Variants in SOX6 observed in about 807,000 individuals in gnomAD.
SOX6 encodes SRY-box transcription factor 6.
Under a neutral mutation model 97.8 loss-of-function variants are expected in SOX6, and 11 were observed. The observed-to-expected ratio is 0.11, with a 90% CI of 0.07 to 0.19. The LOEUF (loss-of-function observed/expected upper bound fraction) is 0.19. SOX6 is among the 10% of genes least tolerant of loss of function. SOX6 has a pLI of 1.00. For synonymous variants in SOX6, 360 were observed against 371.4 expected (o/e 0.97, Z 0.35); for missense variants, 810 against 1,039.5 (o/e 0.78, Z 3.04).
intron 8 of SOX6, 101 bp from the exon 9 acceptor site, chr11:16,096,219 C>G: frequency 2.2e-6 from 3 of 1,384,890 alleles, no homozygotes; most frequent in South Asian, 2.5e-5. Context: ...TTGACCACAT[C>G]AAAAAATAGA....
intron 3 of SOX6, among the ~76,000 whole-genome samples, chr11:16,614,768 T>C (rs1848449314): frequency 6.6e-6 from 1 of 152,198 alleles, no homozygotes; most frequent in South Asian, 2.1e-4. Flanking sequence ...GGTTCCTCAG[T>C]CATTTCCCTG....
At chr11:16,621,398 A>G (rs1764038695) in intron 3 of SOX6, among the ~76,000 whole-genome samples, 1 of 152,214 alleles carries the variant, frequency 6.6e-6, no homozygotes, top group Non-Finnish European at 1.5e-5. Context: ...ACAGTTTACA[A>G]CCATTCCAAG....
At chr11:16,563,049 A>G (rs1278105654) in intron 4 of SOX6, among the ~76,000 whole-genome samples, 2 of 152,242 alleles carry the variant, frequency 1.3e-5, no homozygotes, top group African/African-American at 2.4e-5. Context: ...GTCATACCAC[A>G]AAAGATCTCA....
chr11:16,521,002 A>G (rs1338655137), intron 4 of SOX6, among the ~76,000 whole-genome samples: 1 of 152,212 alleles, frequency 6.6e-6, no homozygotes, highest in Non-Finnish European at 1.5e-5. Context: ...GGAGCCTACC[A>G]CAGCTCAAGG....
intron 3 of SOX6, among the ~76,000 whole-genome samples, chr11:16,241,328 C>T (rs1837096): frequency 0.78 from 118,121 of 151,840 alleles, 46,092 homozygotes; most frequent in Non-Finnish European, 0.8. Context: ...GCCCAGGAGG[C>T]CTTCAGATGT....
intron 12 of SOX6, 118 bp from the exon 13 acceptor site, chr11:16,015,168 T>C: frequency 1.2e-6 from 1 of 849,738 alleles, no homozygotes. Context: ...TTCTGACCAA[T>C]GTGGACTCTG....
chr11:16,438,167 T>C (rs535311992), intron 1 of SOX6, among the ~76,000 whole-genome samples: 7 of 152,146 alleles, frequency 4.6e-5, no homozygotes, highest in Non-Finnish European at 8.8e-5. Context: ...ATACACTATA[T>C]ATGCAAAATA....
intron 4 of SOX6, among the ~76,000 whole-genome samples, chr11:16,489,634 C>A (rs571649738): frequency 6.6e-6 from 1 of 152,128 alleles, no homozygotes; most frequent in African/African-American, 2.4e-5. Flanking sequence ...CTATAAAATG[C>A]AACACAGATT....
At chr11:15,991,693 T>C (rs1854056561) in intron 13 of SOX6, among the ~76,000 whole-genome samples, 1 of 152,244 alleles carries the variant, frequency 6.6e-6, no homozygotes, top group African/African-American at 2.4e-5. Flanking sequence ...CTTCCATTTA[T>C]TTCTTCATTT....
chr11:16,277,503 G>A (rs1590085466), intron 3 of SOX6, among the ~76,000 whole-genome samples: 1 of 152,322 alleles, frequency 6.6e-6, no homozygotes, highest in East Asian at 1.9e-4. Context: ...AATCCAAGCT[G>A]ACTGTAAACA....
intron 9 of SOX6, among the ~76,000 whole-genome samples, chr11:16,058,347 C>T (rs1015696808): frequency 1.3e-5 from 2 of 151,848 alleles, no homozygotes; most frequent in Non-Finnish European, 2.9e-5. Flanking sequence ...GTTTTCTGTT[C>T]TCTGCATTGT....
intron 1 of SOX6, among the ~76,000 whole-genome samples, chr11:16,451,969 C>T (rs1859725142): frequency 1.1e-5 from 1 of 92,996 alleles, no homozygotes; most frequent in Non-Finnish European, 2.0e-5. Flanking sequence ...GGTGACAGAG[C>T]AAGACCCTAT....
At chr11:16,682,602 C>T (rs1379018001) in intron 3 of SOX6, among the ~76,000 whole-genome samples, 1 of 152,148 alleles carries the variant, frequency 6.6e-6, no homozygotes, top group Non-Finnish European at 1.5e-5. Context: ...ATAATAAGAG[C>T]TATTTATGAC....
At chr11:15,995,251 T>C (rs571309128) in intron 13 of SOX6, among the ~76,000 whole-genome samples, 62 of 152,148 alleles carry the variant, frequency 4.1e-4, no homozygotes, top group Admixed American at 1.2e-3. Context: ...CATAAACACC[T>C]TGGGCTTTCC....
intron 5 of SOX6, 89 bp downstream of exon 5, chr11:16,186,694 T>G (rs2134106200): frequency 1.4e-6 from 2 of 1,422,784 alleles, no homozygotes; most frequent in Admixed American, 1.7e-5. Context: ...TTAGGAAAGC[T>G]TACAACAAAT....
intron 4 of SOX6, among the ~76,000 whole-genome samples, chr11:16,557,541 T>C (rs1847763568): frequency 6.6e-6 from 1 of 151,914 alleles, no homozygotes; most frequent in Non-Finnish European, 1.5e-5. Flanking sequence ...TAATCTCCAA[T>C]GAGAGTTAAT....
At chr11:16,676,488 T>C (rs886561827) in intron 3 of SOX6, among the ~76,000 whole-genome samples, 3 of 152,264 alleles carry the variant, frequency 2.0e-5, no homozygotes, top group Admixed American at 2.0e-4. Flanking sequence ...GTTGAATATC[T>C]GATACTTTGA....
intron 4 of SOX6, among the ~76,000 whole-genome samples, chr11:16,217,919 G>A (rs1417380225): frequency 6.6e-6 from 1 of 152,038 alleles, no homozygotes; most frequent in East Asian, 1.9e-4. Flanking sequence ...CAGCTGCACT[G>A]CTGTAGCACT....
intron 6 of SOX6, among the ~76,000 whole-genome samples, chr11:16,145,605 T>C (rs1358542055): frequency 6.6e-6 from 1 of 152,146 alleles, no homozygotes; most frequent in Non-Finnish European, 1.5e-5. Flanking sequence ...GAAAACCCCA[T>C]CGTCTCAGCC....
Sources: allele counts gnomAD v4.1 joint callset (sites outside exome capture counted in the v4.1 genomes callset), GRCh38; gene constraint gnomAD v4.1.1; transcripts MANE v1.5; gene names NCBI Gene and HGNC (gene_info 2026-07-23, HGNC 2026-07-21).